Variants in RARB observed in about 807,000 individuals in gnomAD.
RARB encodes HBV-activated protein.
A neutral mutation model predicts 51.9 loss-of-function variants in RARB; 17 were observed. That is an observed-to-expected ratio of 0.33 (90% CI 0.22 to 0.49). RARB has a LOEUF of 0.49. Among genes scored for constraint, RARB ranks in the 20% least tolerant of loss-of-function variants. The pLI is 0.99. For missense variants in RARB, 369 were observed against 550.8 expected (o/e 0.67, Z 3.30); for synonymous variants, 215 against 195.4 (o/e 1.10, Z -0.84).
At chr3:24,921,099 A>C (rs1695207480) in intron 2 of RARB, among the ~76,000 whole-genome samples, 1 of 152,176 alleles carries the variant, frequency 6.6e-6, no homozygotes, top group Non-Finnish European at 1.5e-5. Context: ...AGTGATTACT[A>C]ATCTCTTAAC....
intron 5 of RARB, among the ~76,000 whole-genome samples, chr3:25,338,450 G>A (rs898184034): frequency 2.0e-5 from 3 of 152,168 alleles, no homozygotes; most frequent in African/African-American, 7.2e-5. Flanking sequence ...TGCCACCTTT[G>A]TAGATAGGCG....
At chr3:25,309,928 C>T (rs1704248959) in intron 5 of RARB, among the ~76,000 whole-genome samples, 1 of 152,168 alleles carries the variant, frequency 6.6e-6, no homozygotes, top group Admixed American at 6.5e-5. Flanking sequence ...TTAAAGAAAA[C>T]TAAAGGCACT....
intron 4 of RARB, among the ~76,000 whole-genome samples, chr3:25,145,951 G>A (rs1046684301): frequency 6.6e-6 from 1 of 151,768 alleles, no homozygotes; most frequent in Non-Finnish European, 1.5e-5. Flanking sequence ...GCAGTGAGGT[G>A]AGATCACGCC....
intron 5 of RARB, among the ~76,000 whole-genome samples, chr3:25,228,891 G>A (rs528960581): frequency 1.3e-5 from 2 of 152,218 alleles, no homozygotes; most frequent in African/African-American, 2.4e-5. Flanking sequence ...TCCTAGTGAA[G>A]ATTCTTCACC....
At chr3:25,070,258 T>C (rs1425960784) in intron 3 of RARB, among the ~76,000 whole-genome samples, 1 of 152,216 alleles carries the variant, frequency 6.6e-6, no homozygotes, top group Non-Finnish European at 1.5e-5. Flanking sequence ...TGTTATCTCA[T>C]CTGAACTAAT....
intron 2 of RARB, among the ~76,000 whole-genome samples, chr3:24,981,587 G>A (rs1393911217): frequency 2.0e-5 from 3 of 151,968 alleles, no homozygotes; most frequent in African/African-American, 4.8e-5. Flanking sequence ...GGGACCCACC[G>A]AGCCAGGCAC....
intron 4 of RARB, among the ~76,000 whole-genome samples, chr3:25,571,674 T>C (rs1700717554): frequency 6.6e-6 from 1 of 152,210 alleles, no homozygotes; most frequent in South Asian, 2.1e-4. Flanking sequence ...ACCACACGAA[T>C]GTACTTCAAG....
At chr3:25,468,644 C>T (rs1247038900) in intron 2 of RARB, among the ~76,000 whole-genome samples, 2 of 151,926 alleles carry the variant, frequency 1.3e-5, no homozygotes, top group African/African-American at 2.4e-5. Flanking sequence ...TTTCATAGGC[C>T]ACCAAATTTA....
intron 1 of RARB, among the ~76,000 whole-genome samples, chr3:25,431,408 C>G (rs551535852): frequency 2.6e-5 from 4 of 152,082 alleles, no homozygotes; most frequent in African/African-American, 7.2e-5. Flanking sequence ...TGCCAGCCAG[C>G]TGCCATTTGT....
At chr3:25,215,544 C>T (rs1325808848) in intron 5 of RARB, among the ~76,000 whole-genome samples, 3 of 152,096 alleles carry the variant, frequency 2.0e-5, no homozygotes, top group Non-Finnish European at 4.4e-5. Flanking sequence ...GGCAAGAAGG[C>T]CTGTGGTTGA....
At chr3:25,459,413 G>A (rs538660175) in intron 1 of RARB, among the ~76,000 whole-genome samples, 9 of 152,218 alleles carry the variant, frequency 5.9e-5, no homozygotes, top group African/African-American at 9.6e-5. Context: ...CTAAAATGCC[G>A]TGTGATGAAA....
chr3:25,199,914 A>C (rs144014091), intron 5 of RARB, among the ~76,000 whole-genome samples: 1 of 152,174 alleles, frequency 6.6e-6, no homozygotes, highest in Non-Finnish European at 1.5e-5. Flanking sequence ...ATATGTGTGC[A>C]TGTGTCTTCA....
In RARB at chr3:25,075,311, C is replaced by T. The variant is rs192935611; in HGVS notation, c.-328+15135C>T. ...GTCTTTCTCAGTTAATAAAAATTGT[C>T]CTTCAATCTCTGTTTATCCTTTAGC... On this transcript the variant is annotated intron_variant, in intron 3 of 11. Coordinates refer to the RARB transcript ENST00000383772. Among the ~76,000 whole-genome samples the T allele has an allele frequency of 3.0e-4, 46 of 152,272 alleles. 1 individual carries two copies. The highest frequency in any genetic ancestry group is 2.9e-3 in the Admixed American group (44 of 15,298).
chr3:25,586,178 C>T (rs1701378964), intron 5 of RARB, among the ~76,000 whole-genome samples: 1 of 152,106 alleles, frequency 6.6e-6, no homozygotes, highest in Non-Finnish European at 1.5e-5. Context: ...CTAGGTTACC[C>T]ACCCTCTTCT....
At chr3:25,064,302 A>C (rs1462334597) in intron 3 of RARB, among the ~76,000 whole-genome samples, 1 of 152,166 alleles carries the variant, frequency 6.6e-6, no homozygotes, top group Non-Finnish European at 1.5e-5. Flanking sequence ...ACTTTGATAC[A>C]AAAGAGATCT....
chr3:25,238,325 G>C (rs1175697697), intron 5 of RARB, among the ~76,000 whole-genome samples: 4 of 152,070 alleles, frequency 2.6e-5, no homozygotes, highest in Admixed American at 6.5e-5. Context: ...TGTTAAAAAT[G>C]ACATGATTTT....
At chr3:25,515,552 G>A (rs1196067292) in intron 3 of RARB, among the ~76,000 whole-genome samples, 1 of 152,162 alleles carries the variant, frequency 6.6e-6, no homozygotes, top group Non-Finnish European at 1.5e-5. Flanking sequence ...ACAGTAGAAT[G>A]TGTAAATAAA....
chr3:25,146,411 G>A (rs1700190578), intron 4 of RARB, among the ~76,000 whole-genome samples: 1 of 152,040 alleles, frequency 6.6e-6, no homozygotes, highest in Admixed American at 6.6e-5. Context: ...TGTTAAAGGG[G>A]GCAGGGTTAT....
intron 2 of RARB, among the ~76,000 whole-genome samples, chr3:25,016,428 A>G (rs1335372758): frequency 6.6e-6 from 1 of 152,152 alleles, no homozygotes; most frequent in African/African-American, 2.4e-5. Flanking sequence ...CAGTAGCACC[A>G]TCCCCCAAAA....
Sources: gnomAD v4.1 joint callset for allele counts (sites outside exome capture counted in the v4.1 genomes callset) on GRCh38, gnomAD v4.1.1 for gene constraint, MANE v1.5 for transcripts, NCBI Gene and HGNC (gene_info 2026-07-23, HGNC 2026-07-21) for gene names.